TSPAN15: variants seen among roughly 807,000 people sequenced by gnomAD.
The protein encoded by TSPAN15 is tetraspanin-15.
TSPAN15 carries 20 observed loss-of-function variants against 34.5 expected under a neutral mutation model. That is an observed-to-expected ratio of 0.58 (90% CI 0.41 to 0.84). The LOEUF (loss-of-function observed/expected upper bound fraction) is 0.84, where lower values mean the gene tolerates loss of function less well. Ranked by LOEUF, TSPAN15 falls within the 40% of genes least tolerant of loss-of-function variation. The pLI, the probability that TSPAN15 is intolerant of heterozygous loss-of-function variation, is 0.00. For synonymous variants in TSPAN15, 155 were observed against 153.9 expected (o/e 1.01, Z -0.05); for missense variants, 313 against 386.1 (o/e 0.81, Z 1.59).
intron 1 of TSPAN15, among the ~76,000 whole-genome samples, chr10:69,476,100 C>G (rs1228472161): frequency 6.6e-6 from 1 of 151,842 alleles, no homozygotes; most frequent in Non-Finnish European, 1.5e-5. Flanking sequence ...GATTTCCTCC[C>G]GAGACTTGAG....
chr10:69,504,485 G>A lies in TSPAN15; in HGVS notation c.618G>A (p.Glu206=). 6.2e-7 allele frequency: 1 copy of A among 1,614,032 alleles called. No homozygotes were observed. Among genetic ancestry groups the A allele is most frequent in the Non-Finnish European group, 8.5e-7 (1 of 1,179,908 alleles). ...GTGGCTACAAAACTATCGACAAGGA[G>A]GTAATGTCTTTGAAATGCCTTTCCC... The part of the protein sequence containing the change: ...TMCGYKTIDK[E]RFSVQDVIYV... Residue 206 remains glutamate, a splice_region_variant and synonymous_variant, in exon 6 of 8, where the codon GAG becomes GAA. Coordinates refer to ENST00000373290, the MANE Select transcript of TSPAN15 (RefSeq NM_012339.5).
chr10:69,481,061 C>A (rs1312760779), intron 1 of TSPAN15, among the ~76,000 whole-genome samples: 3 of 152,170 alleles, frequency 2.0e-5, no homozygotes, highest in Non-Finnish European at 4.4e-5. Flanking sequence ...CTTAGGCTGC[C>A]CCCAAACAGT....
chr10:69,459,642 A>G (rs1208078667), intron 1 of TSPAN15, among the ~76,000 whole-genome samples: 1 of 152,074 alleles, frequency 6.6e-6, no homozygotes, highest in Non-Finnish European at 1.5e-5. Context: ...GTGGGTGGAG[A>G]GGGTGGCAGG....
chr10:69,496,857 C>T (rs1842096948), intron 4 of TSPAN15, among the ~76,000 whole-genome samples: 1 of 152,236 alleles, frequency 6.6e-6, no homozygotes, highest in South Asian at 2.1e-4. Context: ...CTGACTTCTG[C>T]TCCGGGTGGA....
At chr10:69,545,115 T>C in the TSPAN15 span, among the ~76,000 whole-genome samples, 2 of 152,152 alleles carry the variant, frequency 1.3e-5, no homozygotes, top group Non-Finnish European at 2.9e-5. Context: ...TGGAGGCTTT[T>C]TGGTGAGCTT....
chr10:69,539,482 G>GAGAAGAAGAAGAAGAAGA, the TSPAN15 span, among the ~76,000 whole-genome samples: 103 of 67,044 alleles, frequency 1.5e-3, 1 homozygote, highest in Middle Eastern at 6.0e-3. Flanking sequence ...GAAGGAGAAG[G>GAGAAGAAGAAGAAGAAGA]AGAAGAAGAA....
intron 1 of TSPAN15, among the ~76,000 whole-genome samples, chr10:69,478,963 G>A (rs1841674000): frequency 6.6e-6 from 1 of 152,184 alleles, no homozygotes. Context: ...CATCCCACAT[G>A]GAAGGGATAT....
the TSPAN15 span, among the ~76,000 whole-genome samples, chr10:69,536,994 A>AG: frequency 2.6e-5 from 4 of 151,928 alleles, no homozygotes; most frequent in Non-Finnish European, 5.9e-5. Flanking sequence ...TGAAAAAAAA[A>AG]AAAAAAAGCA....
chr10:69,467,637 A>AACACAC (rs36028041), intron 1 of TSPAN15, among the ~76,000 whole-genome samples: 2,084 of 78,158 alleles, frequency 0.027, 50 homozygotes, highest in African/African-American at 0.055. Flanking sequence ...AAAACAAAAC[A>AACACAC]ACACACACAC....
rs901339129 is a variant in TSPAN15 at position 69,459,927 on chromosome 10, C to CT, written c.96+8237_96+8238insT. ...GGGAGGGAGACTCTAGGCACCCCCC[C>CT]CCCACGAATGGAGGGAGACTCTAGG... On this transcript the variant is annotated intron_variant, in intron 1 of 7. Transcript: ENST00000373290. Among the ~76,000 whole-genome samples the CT allele has an allele frequency of 6.0e-5, 8 of 133,558 alleles. No individual in the cohort carries two copies. The East Asian group carries it at 1.6e-3, about 27-fold the overall frequency. 87.6% of individuals were successfully genotyped at this position (133,558 alleles called of 152,430 possible).
chr10:69,480,899 T>C (rs1285874466), intron 1 of TSPAN15, among the ~76,000 whole-genome samples: 1 of 152,200 alleles, frequency 6.6e-6, no homozygotes, highest in Non-Finnish European at 1.5e-5. Context: ...GGTTTTGCCA[T>C]GGTGGCCAGG....
chr10:69,459,551 AG>A (rs1841197103), intron 1 of TSPAN15, among the ~76,000 whole-genome samples: 1 of 55,866 alleles, frequency 1.8e-5, no homozygotes, highest in African/African-American at 5.3e-5. Context: ...TCCCAGGCAG[AG>A]AGAGCCATGA....
the TSPAN15 span, among the ~76,000 whole-genome samples, chr10:69,514,011 A>G: frequency 1.3e-5 from 2 of 152,240 alleles, no homozygotes; most frequent in African/African-American, 2.4e-5. Flanking sequence ...GTCTTTTATC[A>G]TTAAGTATAA....
At chr10:69,477,200 T>C (rs1212186323) in intron 1 of TSPAN15, among the ~76,000 whole-genome samples, 3 of 152,072 alleles carry the variant, frequency 2.0e-5, no homozygotes, top group African/African-American at 7.2e-5. Context: ...AGTGGCACAA[T>C]CTTGGCTCAC....
downstream of TSPAN15, chr10:69,507,809 G>GT: frequency 2.1e-6 from 1 of 468,710 alleles, no homozygotes; most frequent in South Asian, 2.3e-5. Context: ...CAGGTGGGGG[G>GT]TTGGGGGGAA....
At chr10:69,518,141 TAAAC>T in the TSPAN15 span, among the ~76,000 whole-genome samples, 29 of 152,276 alleles carry the variant, frequency 1.9e-4, no homozygotes, top group Admixed American at 1.9e-3. Context: ...GAGACAGTGA[TAAAC>T]AAAAAATACA....
chr10:69,487,426 A>C (rs1841877597), intron 3 of TSPAN15, among the ~76,000 whole-genome samples: 3 of 151,428 alleles, frequency 2.0e-5, no homozygotes, highest in African/African-American at 4.9e-5. Flanking sequence ...GAGCTGGCAG[A>C]TCCAGGATGC....
intron 4 of TSPAN15, 21 bp from the exon 5 acceptor site, chr10:69,498,252 GCTCCTCT>G: frequency 6.2e-7 from 1 of 1,603,610 alleles, no homozygotes; most frequent in Non-Finnish European, 8.5e-7. Context: ...GATGACGGCA[GCTCCTCT>G]TTCCTGCTTG....
chr10:69,465,221 C>T (rs959081021), intron 1 of TSPAN15, among the ~76,000 whole-genome samples: 1 of 115,258 alleles, frequency 8.7e-6, no homozygotes, highest in African/African-American at 2.6e-5. Context: ...TGGGCTTCCC[C>T]TGGGGGTGGC....
Sources: gnomAD v4.1 joint callset for allele counts (sites outside exome capture counted in the v4.1 genomes callset) on GRCh38, gnomAD v4.1.1 for gene constraint, MANE v1.5 for transcripts, NCBI Gene and HGNC (gene_info 2026-07-23, HGNC 2026-07-21) for gene names.